FAM13C: variants seen among roughly 807,000 people sequenced by gnomAD.
FAM13C encodes protein FAM13C.
A neutral mutation model predicts 73.2 loss-of-function variants in FAM13C; 37 were observed. The observed-to-expected ratio is 0.51, with a 90% CI of 0.39 to 0.67. The LOEUF is 0.67. FAM13C is among the 30% of genes least tolerant of loss of function. The pLI is 0.00. For missense variants in FAM13C, 589 were observed against 715.6 expected (o/e 0.82, Z 2.02); for synonymous variants, 246 against 260.9 (o/e 0.94, Z 0.55).
chr10:59,335,218 C>T (rs918436884), intron 3 of FAM13C, among the ~76,000 whole-genome samples: 1 of 152,154 alleles, frequency 6.6e-6, no homozygotes, highest in Non-Finnish European at 1.5e-5. Context: ...GAGGTGATCT[C>T]CCTTTAGAAA....
chr10:59,283,118 A>G (rs1313029917), intron 6 of FAM13C, among the ~76,000 whole-genome samples: 2 of 152,150 alleles, frequency 1.3e-5, no homozygotes, highest in Non-Finnish European at 2.9e-5. Context: ...CTTTCACCTT[A>G]CACAAATGAC....
chr10:59,362,436 G>A lies in FAM13C; in HGVS notation c.25C>T (p.Leu9Phe). 1 of 1,613,998 alleles carries A rather than the reference G, an allele frequency of 6.2e-7. No homozygotes were observed. The highest frequency in any genetic ancestry group is 1.1e-5 in the South Asian group (1 of 90,986). The change falls in exon 1 of 14, where the codon CTT (leucine) becomes TTT (phenylalanine). Residue 9 changes from leucine (L) to phenylalanine (F), a missense_variant. Transcript: ENST00000618804. ...GTGCTGCTGAAGGAATTATCCTGAAGGCTGAAACAGAAACAAGAAAACATC... is the reference window on the plus strand; with the variant it reads ...GTGCTGCTGAAGGAATTATCCTGAAAGCTGAAACAGAAACAAGAAAACATC... MFSCFCFSLQDNSFSSTTV... is the reference protein window; with the variant it reads MFSCFCFSFQDNSFSSTTV...
intron 1 of FAM13C, among the ~76,000 whole-genome samples, chr10:59,358,545 A>G (rs1856000313): frequency 1.3e-5 from 2 of 152,228 alleles, no homozygotes; most frequent in African/African-American, 4.8e-5. Context: ...GTGGATAAAA[A>G]TGTTTTTCAA....
intron 3 of FAM13C, among the ~76,000 whole-genome samples, chr10:59,350,665 C>T (rs919922290): frequency 1.3e-5 from 2 of 152,166 alleles, no homozygotes; most frequent in Non-Finnish European, 2.9e-5. Context: ...GCATTTTCAT[C>T]TCACTATGAA....
At chr10:59,298,716 C>T (rs1259958938) in intron 5 of FAM13C, among the ~76,000 whole-genome samples, 3 of 152,198 alleles carry the variant, frequency 2.0e-5, no homozygotes, top group Non-Finnish European at 2.9e-5. Context: ...ACTCCCCAAA[C>T]TAGGCTTCAG....
chr10:59,315,898 A>G (rs74153326), intron 4 of FAM13C, among the ~76,000 whole-genome samples: 1,880 of 152,204 alleles, frequency 0.012, 39 homozygotes, highest in African/African-American at 0.043. Context: ...TTATATTCCT[A>G]TCTTCTTCCA....
intron 3 of FAM13C, among the ~76,000 whole-genome samples, chr10:59,345,747 G>A (rs919038102): frequency 6.6e-6 from 1 of 152,146 alleles, no homozygotes; most frequent in Non-Finnish European, 1.5e-5. Context: ...AAGAGTGAAG[G>A]AGAACTTGGA....
chr10:59,303,640 A>C (rs545736575), intron 4 of FAM13C, among the ~76,000 whole-genome samples: 1 of 152,264 alleles, frequency 6.6e-6, no homozygotes, highest in East Asian at 1.9e-4. Flanking sequence ...ACCAAAACTC[A>C]TGTTGAAATT....
At chr10:59,304,433 G>A (rs1202692786) in intron 4 of FAM13C, among the ~76,000 whole-genome samples, 1 of 152,032 alleles carries the variant, frequency 6.6e-6, no homozygotes, top group Non-Finnish European at 1.5e-5. Context: ...TCTTTGTCTA[G>A]GCCTGTGTCC....
At chr10:59,300,970 T>C (rs1847534890) in intron 5 of FAM13C, 1 of 152,218 alleles carries the variant, frequency 6.6e-6, no homozygotes, top group Non-Finnish European at 1.5e-5. Flanking sequence ...TATAGCAATG[T>C]TTCCCATTTG....
chr10:59,300,212 T>C (rs192305407), intron 5 of FAM13C, among the ~76,000 whole-genome samples: 1 of 152,312 alleles, frequency 6.6e-6, no homozygotes, highest in African/African-American at 2.4e-5. Flanking sequence ...GACAAAGAAG[T>C]ACAAATAGTA....
chr10:59,275,803 G>C (rs1844261969), intron 6 of FAM13C, among the ~76,000 whole-genome samples: 1 of 151,792 alleles, frequency 6.6e-6, no homozygotes, highest in African/African-American at 2.4e-5. Context: ...AATACAATCA[G>C]GTATAACAAC....
In FAM13C at chr10:59,316,712, G is replaced by T. The variant is rs145150924; in HGVS notation, c.443+7276C>A. 5.7e-3 allele frequency among the ~76,000 whole-genome samples: 862 copies of T among 152,202 alleles called. 7 individuals carry two copies. Among genetic ancestry groups the T allele is most frequent in the African/African-American group, 0.02 (823 of 41,530 alleles). ...TATTTGCATATCTAAACATACAAAG[G>T]TACAGCAAAAATATGGTATTTTAAT... On this transcript the variant is annotated intron_variant, in intron 4 of 13. Coordinates refer to ENST00000618804, the MANE Select transcript of FAM13C (RefSeq NM_198215.4).
chr10:59,300,967 A>G (rs1847534469), intron 5 of FAM13C: 1 of 152,168 alleles, frequency 6.6e-6, no homozygotes, highest in Non-Finnish European at 1.5e-5. Context: ...AAATATAGCA[A>G]TGTTTCCCAT....
chr10:59,313,417 A>C (rs1849165912), intron 4 of FAM13C, among the ~76,000 whole-genome samples: 1 of 152,212 alleles, frequency 6.6e-6, no homozygotes, highest in Non-Finnish European at 1.5e-5. Context: ...GATCAGCAAG[A>C]CTGGCAGTAA....
At chr10:59,257,411 C>T (rs776830181) in intron 10 of FAM13C, among the ~76,000 whole-genome samples, 2 of 152,212 alleles carry the variant, frequency 1.3e-5, no homozygotes, top group African/African-American at 2.4e-5. Context: ...CTTCTACCAC[C>T]TTGTTTTCCT....
At chr10:59,262,667 A>G in intron 9 of FAM13C, 22 bp from the exon 10 acceptor site, 2 of 1,597,658 alleles carry the variant, frequency 1.3e-6, no homozygotes, top group Non-Finnish European at 1.7e-6. Context: ...GCTATGAGTT[A>G]TCATAAGCAA....
In FAM13C at chr10:59,352,169, C is replaced by T. The variant is rs1040665042; in HGVS notation, c.324+101G>A. 2.8e-5 allele frequency: 38 copies of T among 1,339,044 alleles called. No individual in the cohort carries two copies. In the African/African-American group the frequency reaches 5.3e-4, roughly 19 times the overall value. The allele number at this position is 1,339,044 out of a possible 1,614,324, so 82.9% of individuals were successfully genotyped here. On this transcript the variant is annotated intron_variant, in intron 3 of 13. Coordinates refer to ENST00000618804, the MANE Select transcript of FAM13C (RefSeq NM_198215.4). ...CACGCAATGACAAGTCGTGCCAATCCCCTCCCGCAAAACAGTGCGCTCAAA... is the reference window on the plus strand; with the variant it reads ...CACGCAATGACAAGTCGTGCCAATCTCCTCCCGCAAAACAGTGCGCTCAAA...
chr10:59,272,563 C>T (rs1843829453), intron 6 of FAM13C, among the ~76,000 whole-genome samples: 1 of 152,142 alleles, frequency 6.6e-6, no homozygotes, highest in African/African-American at 2.4e-5. Flanking sequence ...CCTTTGTTCC[C>T]TAGGGGCACA....
Sources: gnomAD v4.1 joint callset for allele counts (sites outside exome capture counted in the v4.1 genomes callset) on GRCh38, gnomAD v4.1.1 for gene constraint, MANE v1.5 for transcripts, NCBI Gene and HGNC (gene_info 2026-07-23, HGNC 2026-07-21) for gene names.